Variants in AGBL3 observed in about 807,000 individuals in gnomAD.
AGBL3 encodes cytosolic carboxypeptidase 3.
Under a neutral mutation model 94.5 loss-of-function variants are expected in AGBL3, and 68 were observed. The ratio of observed to expected loss-of-function variants is 0.72; its 90% confidence interval spans 0.59 to 0.88. The LOEUF (loss-of-function observed/expected upper bound fraction) is 0.88, where lower values mean the gene tolerates loss of function less well. Ranked by LOEUF, AGBL3 falls within the 40% of genes least tolerant of loss-of-function variation. The probability of loss-of-function intolerance (pLI) is 0.00; values close to 1 mark genes in which losing one functional copy is unlikely to be tolerated. For missense variants in AGBL3, 934 were observed against 1,103.8 expected (o/e 0.85, Z 2.18); for synonymous variants, 354 against 370.7 (o/e 0.95, Z 0.52).
chr7:135,046,974 T>C (rs1428589858), intron 11 of AGBL3, among the ~76,000 whole-genome samples: 2 of 151,882 alleles, frequency 1.3e-5, no homozygotes, highest in Admixed American at 6.6e-5. Context: ...CCCTCTTAAA[T>C]TATTAACTGT....
At chr7:135,118,954 G>T (rs1826722068) in intron 16 of AGBL3, among the ~76,000 whole-genome samples, 1 of 152,074 alleles carries the variant, frequency 6.6e-6, no homozygotes, top group Non-Finnish European at 1.5e-5. Context: ...TAGAAAAATA[G>T]AAATTACCCA....
intron 15 of AGBL3, among the ~76,000 whole-genome samples, chr7:135,097,512 A>T (rs1428270945): frequency 1.3e-5 from 2 of 152,186 alleles, no homozygotes; most frequent in Non-Finnish European, 2.9e-5. Flanking sequence ...ATTGGCAATG[A>T]AAATGTAAAT....
In AGBL3 at chr7:135,034,075, T is replaced by G. The variant is rs1816049673; in HGVS notation, c.558-74T>G. The G allele has an allele frequency of 4.7e-6, 6 of 1,272,776 alleles. No homozygotes were observed. The Admixed American group carries it at 1.8e-4, about 37-fold the overall frequency. The allele number at this position is 1,272,776 out of a possible 1,614,324, so 78.8% of individuals were successfully genotyped here. A position where few individuals can be genotyped will look rare whatever the true frequency, so the allele number is the denominator to read the frequency against. Reference sequence around the variant, plus strand: ...TAATTTTCCTTATTTAACTCAAAATTTTACATTGGTTTTTTACAAAATGTC... The same window carrying G: ...TAATTTTCCTTATTTAACTCAAAATGTTACATTGGTTTTTTACAAAATGTC... On this transcript the variant is annotated intron_variant, in intron 6 of 16. Coordinates refer to ENST00000436302, the MANE Select transcript of AGBL3 (RefSeq NM_178563.4).
intron 16 of AGBL3, chr7:135,128,351 G>C: frequency 5.5e-6 from 1 of 183,206 alleles, no homozygotes; most frequent in Admixed American, 6.5e-5. Flanking sequence ...CAAGGCATTT[G>C]TAAACTGTCA....
In AGBL3 at chr7:135,034,678, G is replaced by T; in HGVS notation, c.1087G>T (p.Val363Phe). 1.3e-6 allele frequency: 2 copies of T among 1,551,452 alleles called. No homozygotes were observed. The highest frequency in any genetic ancestry group is 1.7e-6 in the Non-Finnish European group (2 of 1,146,890). Residue 363 changes from valine (V) to phenylalanine (F), a missense_variant, in exon 7 of 17, where the codon GTC becomes TTC. By Grantham distance (50) the Val-to-Phe change is conservative (BLOSUM62 -1). Around this residue, in one of 3 missense-constraint regions of AGBL3, gnomAD observed 488 missense variants for 563.6 expected, o/e 0.87. Transcript: ENST00000436302. ...GAAGGCTGTGATTCTGACTGCAAGG[G>T]TCCATCCAGGGGAAACCAACAGCTC... Reference protein sequence around the residue: ...KRKAVILTARVHPGETNSSWI... With the variant: ...KRKAVILTARFHPGETNSSWI...
At chr7:135,069,152 G>C (rs1410396640) in intron 12 of AGBL3, among the ~76,000 whole-genome samples, 1 of 152,074 alleles carries the variant, frequency 6.6e-6, no homozygotes, top group Admixed American at 6.5e-5. Context: ...AATGGTAAAG[G>C]GATCAATTCA....
chr7:135,128,195 G>A (rs1828169745), intron 16 of AGBL3, among the ~76,000 whole-genome samples: 1 of 147,368 alleles, frequency 6.8e-6, no homozygotes, highest in African/African-American at 2.5e-5. Flanking sequence ...GGGAGGCTGC[G>A]ACAGGAGAAT....
At chr7:135,109,339 C>T (rs1484519288) in intron 15 of AGBL3, among the ~76,000 whole-genome samples, 1 of 152,226 alleles carries the variant, frequency 6.6e-6, no homozygotes, top group African/African-American at 2.4e-5. Flanking sequence ...GACAACCCAC[C>T]TCTCCCACTG....
Position 135,129,164 on chromosome 7 carries a change from C to G in AGBL3, c.2343-5677C>G, listed in dbSNP as rs557453947. ...ATGACTGCCTTCTCCTCCAGTCCAC[C>G]TTGGACCTGATGGCAGATGTGGTGT... On this transcript the variant is annotated intron_variant, in intron 16 of 16. Transcript: ENST00000436302. 16 of 1,459,688 alleles carry G rather than the reference C, an allele frequency of 1.1e-5. No homozygotes were observed. The African/African-American group carries it at 2.1e-4, about 19-fold the overall frequency. 90.4% of individuals were successfully genotyped at this position (1,459,688 alleles called of 1,614,324 possible).
At chr7:135,084,356 T>G (rs1821164586) in intron 15 of AGBL3, among the ~76,000 whole-genome samples, 1 of 152,182 alleles carries the variant, frequency 6.6e-6, no homozygotes, top group Non-Finnish European at 1.5e-5. Context: ...ACATTCAAAA[T>G]CTGCTCTCCT....
At chr7:135,073,512 A>AAATAAATAAACT (rs1554510800) in intron 12 of AGBL3, among the ~76,000 whole-genome samples, 105 of 144,236 alleles carry the variant, frequency 7.3e-4, no homozygotes, top group Non-Finnish European at 8.7e-4. Flanking sequence ...ATAAATAAAT[A>AAATAAATAAACT]AACCTTGCAG....
chr7:135,096,596 G>GATAGATAGATAC (rs1585087460), intron 15 of AGBL3, among the ~76,000 whole-genome samples: 1 of 134,388 alleles, frequency 7.4e-6, no homozygotes, highest in Non-Finnish European at 1.6e-5. Context: ...TAGATAGATA[G>GATAGATAGATAC]ATAGATAGAT....
At chr7:135,037,395 T>C in intron 7 of AGBL3, 23 bp from the exon 8 acceptor site, 1 of 1,526,428 alleles carries the variant, frequency 6.6e-7, no homozygotes, top group East Asian at 2.5e-5. Flanking sequence ...TAAAAGTTAG[T>C]AACTTATCTT....
chr7:134,987,832 C>A, intron 1 of AGBL3, 43 bp from the exon 2 acceptor site: 1 of 797,164 alleles, frequency 1.3e-6, no homozygotes, highest in Non-Finnish European at 2.1e-6. Flanking sequence ...ATGTAGTAAA[C>A]ACCTACAGCT....
intron 16 of AGBL3, chr7:135,128,631 C>A: frequency 2.4e-6 from 2 of 827,104 alleles, no homozygotes; most frequent in Non-Finnish European, 4.2e-6. Context: ...CAGCGTGATC[C>A]CGTTTGCCTG....
chr7:135,070,683 T>C (rs1322649059), intron 12 of AGBL3, among the ~76,000 whole-genome samples: 1 of 152,022 alleles, frequency 6.6e-6, no homozygotes, highest in Non-Finnish European at 1.5e-5. Context: ...CAATGCTTCA[T>C]GCTAAAAACT....
intron 4 of AGBL3, chr7:135,012,160 CTA>C (rs1466633025): frequency 3.3e-5 from 5 of 152,054 alleles, no homozygotes; most frequent in East Asian, 1.9e-4. Flanking sequence ...ATACCATACA[CTA>C]TGTGATTTTA....
intron 3 of AGBL3, among the ~76,000 whole-genome samples, chr7:134,991,536 C>T (rs1810278892): frequency 6.6e-6 from 1 of 152,158 alleles, no homozygotes; most frequent in African/African-American, 2.4e-5. Flanking sequence ...CCCATGACAT[C>T]CTGTATATGC....
chr7:135,009,948 C>T, intron 4 of AGBL3: 1 of 408,854 alleles, frequency 2.4e-6, no homozygotes, highest in Non-Finnish European at 4.8e-6. Flanking sequence ...GCAACCTCTT[C>T]TATGGTGGGT....
Sources: allele counts gnomAD v4.1 joint callset (sites outside exome capture counted in the v4.1 genomes callset), GRCh38; gene constraint gnomAD v4.1.1; regional missense constraint gnomAD v4.1.1; transcripts MANE v1.5; gene names NCBI Gene and HGNC (gene_info 2026-07-23, HGNC 2026-07-21).